Variants in CFAP299 observed in about 807,000 individuals in gnomAD.
CFAP299 encodes the protein cilia and flagella associated protein 299.
CFAP299 carries 21 observed loss-of-function variants against 27.0 expected under a neutral mutation model. The observed-to-expected ratio is 0.78, with a 90% confidence interval of 0.55 to 1.12. CFAP299 has a LOEUF of 1.12. Ranked by LOEUF, CFAP299 falls within the 50% of genes most tolerant of loss-of-function variation. The pLI, the probability that CFAP299 is intolerant of heterozygous loss-of-function variation, is 0.00. For synonymous variants in CFAP299, 104 were observed against 98.1 expected (o/e 1.06, Z -0.36); for missense variants, 310 against 276.6 (o/e 1.12, Z -0.86).
In CFAP299 at chr4:80,469,306, A is replaced by G. The variant is rs137957767; in HGVS notation, c.242+106422A>G. Among the ~76,000 whole-genome samples the G allele has an allele frequency of 1.4e-3, 220 of 152,344 alleles. 1 individual carries two copies. The highest frequency in any genetic ancestry group is 3.9e-3 in the Admixed American group (60 of 15,304). On this transcript the variant is annotated intron_variant, in intron 2 of 5. Coordinates refer to ENST00000358105, the MANE Select transcript of CFAP299 (RefSeq NM_152770.3). ...GGCTTTGGCCATGGAGTTGACTGCC[A>G]GTGTGCTGCAATGTATTTATCTGAA...
At chr4:80,774,910 A>G (rs1255392081) in intron 3 of CFAP299, among the ~76,000 whole-genome samples, 2 of 152,074 alleles carry the variant, frequency 1.3e-5, no homozygotes, top group Admixed American at 1.3e-4. Flanking sequence ...TGTCAAAGAA[A>G]GTACTCATTA....
chr4:80,749,396 G>A (rs1724803258), intron 3 of CFAP299, among the ~76,000 whole-genome samples: 1 of 152,078 alleles, frequency 6.6e-6, no homozygotes, highest in Non-Finnish European at 1.5e-5. Flanking sequence ...ACTTACATTA[G>A]TCTGGGTTCT....
intron 2 of CFAP299, among the ~76,000 whole-genome samples, chr4:80,427,114 T>C (rs187579764): frequency 3.3e-5 from 5 of 152,296 alleles, no homozygotes; most frequent in African/African-American, 1.2e-4. Context: ...GCAAAAGAAT[T>C]TGAGGAAATG....
chr4:80,780,015 C>T (rs1307553922), intron 3 of CFAP299, among the ~76,000 whole-genome samples: 1 of 152,146 alleles, frequency 6.6e-6, no homozygotes, highest in East Asian at 1.9e-4. Flanking sequence ...CAGCTTGTTA[C>T]ACTGCTTTAG....
chr4:80,674,707 G>A (rs1359542516), intron 3 of CFAP299, among the ~76,000 whole-genome samples: 2 of 151,992 alleles, frequency 1.3e-5, no homozygotes, highest in Non-Finnish European at 2.9e-5. Context: ...ATTTCTTGGA[G>A]TTTTTTTCAT....
At chr4:80,933,336 A>G (rs1736725605) in intron 4 of CFAP299, among the ~76,000 whole-genome samples, 2 of 151,566 alleles carry the variant, frequency 1.3e-5, no homozygotes, top group South Asian at 4.2e-4. Flanking sequence ...CCATCAATCT[A>G]CTCTCTGCAT....
intron 3 of CFAP299, among the ~76,000 whole-genome samples, chr4:80,654,590 T>C (rs1740462369): frequency 6.6e-6 from 1 of 152,094 alleles, no homozygotes; most frequent in African/African-American, 2.4e-5. Flanking sequence ...ATTTGTGCAA[T>C]TCAATATTCA....
At chr4:80,715,638 TA>T (rs1469076740) in intron 3 of CFAP299, among the ~76,000 whole-genome samples, 3 of 152,014 alleles carry the variant, frequency 2.0e-5, no homozygotes, top group African/African-American at 7.2e-5. Flanking sequence ...TTTTTAGAAA[TA>T]AAAAATTATT....
Position 80,549,303 on chromosome 4 carries a change from A to T in CFAP299, c.243-33790A>T, listed in dbSNP as rs1734390515. 3.3e-5 allele frequency among the ~76,000 whole-genome samples: 5 copies of T among 152,238 alleles called. No individual in the cohort carries two copies. In the South Asian group the frequency reaches 1.0e-3, roughly 32 times the overall value. The stretch of plus-strand genomic sequence containing the variant: ...AATGATGATGATGGTTTGGGTTTAG[A>T]ACAGTGGGAGAAATGATAGAAGAAA... On this transcript the variant is annotated intron_variant, in intron 2 of 5. Transcript: ENST00000358105.
chr4:80,755,990 A>G (rs1395970276), intron 3 of CFAP299, among the ~76,000 whole-genome samples: 1 of 152,120 alleles, frequency 6.6e-6, no homozygotes, highest in African/African-American at 2.4e-5. Context: ...ACATGAAGTG[A>G]ATAGTGTATA....
intron 3 of CFAP299, among the ~76,000 whole-genome samples, chr4:80,860,470 G>A (rs1348270370): frequency 1.3e-5 from 2 of 152,206 alleles, no homozygotes; most frequent in Non-Finnish European, 1.5e-5. Context: ...ATCCTTTGGA[G>A]GAGGAGAAGT....
chr4:80,402,119 G>A (rs1450411397), intron 2 of CFAP299, among the ~76,000 whole-genome samples: 1 of 152,112 alleles, frequency 6.6e-6, no homozygotes. Flanking sequence ...GATTTTACAG[G>A]CTCATAGGCA....
rs79294529 is a variant in CFAP299 at position 80,499,921 on chromosome 4, T to C, written c.243-83172T>C. Among the ~76,000 whole-genome samples, 30 of 152,302 alleles carry C rather than the reference T, an allele frequency of 2.0e-4. No individual in the cohort carries two copies. The East Asian group carries it at 5.8e-3, about 29-fold the overall frequency. Reference sequence around the variant, plus strand: ...TTTATATGAATTAGCCGTTAATAGCTAGTCTAGCTCTAAGGAATTTAGAAA... The same window carrying C: ...TTTATATGAATTAGCCGTTAATAGCCAGTCTAGCTCTAAGGAATTTAGAAA... On this transcript the variant is annotated intron_variant, in intron 2 of 5. Coordinates refer to ENST00000358105, the MANE Select transcript of CFAP299 (RefSeq NM_152770.3).
At chr4:80,644,282 G>A (rs985752594) in intron 3 of CFAP299, among the ~76,000 whole-genome samples, 7 of 152,100 alleles carry the variant, frequency 4.6e-5, no homozygotes, top group African/African-American at 7.2e-5. Flanking sequence ...TATTAGCATC[G>A]ATTATTGGAA....
At chr4:80,324,319 G>A in the CFAP299 span, among the ~76,000 whole-genome samples, 1 of 152,140 alleles carries the variant, frequency 6.6e-6, no homozygotes, top group Non-Finnish European at 1.5e-5. Context: ...TAACTGTTTT[G>A]CTCTTCAGGG....
At chr4:80,716,599 G>A (rs1024068964) in intron 3 of CFAP299, among the ~76,000 whole-genome samples, 3 of 151,918 alleles carry the variant, frequency 2.0e-5, no homozygotes, top group African/African-American at 7.2e-5. Flanking sequence ...TAGATGATTT[G>A]GCTCTAGTTG....
chr4:80,892,213 A>C (rs551725878), intron 4 of CFAP299, among the ~76,000 whole-genome samples: 4 of 152,264 alleles, frequency 2.6e-5, no homozygotes, highest in African/African-American at 9.6e-5. Context: ...CCACACCTAC[A>C]GGGAACTCAT....
chr4:80,398,130 G>A (rs1312766000), intron 2 of CFAP299, among the ~76,000 whole-genome samples: 1 of 152,104 alleles, frequency 6.6e-6, no homozygotes, highest in African/African-American at 2.4e-5. Flanking sequence ...CAACTTACAA[G>A]GCATGTGAAG....
chr4:80,399,682 G>A (rs551543981), intron 2 of CFAP299, among the ~76,000 whole-genome samples: 4 of 133,288 alleles, frequency 3.0e-5, no homozygotes, highest in Admixed American at 7.9e-5. Flanking sequence ...CACACACCAG[G>A]GCCTGTTTTG....
Sources: gnomAD v4.1 joint callset for allele counts (sites outside exome capture counted in the v4.1 genomes callset) on GRCh38, gnomAD v4.1.1 for gene constraint, MANE v1.5 for transcripts, NCBI Gene and HGNC (gene_info 2026-07-23, HGNC 2026-07-21) for gene names.